The following TNN variants were observed in gnomAD, a reference collection of about 807,000 sequenced individuals.
TNN encodes the protein tenascin-N.
A neutral mutation model predicts 134.4 loss-of-function variants in TNN; 122 were observed. That is an observed-to-expected ratio of 0.91 (90% CI 0.78 to 1.06). The LOEUF (loss-of-function observed/expected upper bound fraction) is 1.06, where lower values mean the gene tolerates loss of function less well. TNN is among the 50% of genes least tolerant of loss of function. The pLI, the probability that TNN is intolerant of heterozygous loss-of-function variation, is 0.00. For missense variants in TNN, 1,739 were observed against 1,699.4 expected (o/e 1.02, Z -0.41); for synonymous variants, 710 against 670.3 (o/e 1.06, Z -0.91).
intron 9 of TNN, among the ~76,000 whole-genome samples, chr1:175,105,826 G>T (rs1477320745): frequency 6.9e-6 from 1 of 145,168 alleles, no homozygotes; most frequent in Non-Finnish European, 1.5e-5. Flanking sequence ...CCACAGTTTT[G>T]GTTTGTTTTG....
intron 5 of TNN, among the ~76,000 whole-genome samples, chr1:175,084,828 C>T (rs1255229215): frequency 6.6e-6 from 1 of 152,054 alleles, no homozygotes. Flanking sequence ...AGAGAAATAA[C>T]TTTTTTTTAA....
intron 11 of TNN, among the ~76,000 whole-genome samples, chr1:175,119,339 T>A (rs575405757): frequency 4.6e-5 from 7 of 152,164 alleles, no homozygotes; most frequent in South Asian, 4.2e-4. Context: ...CTGGTGGGAG[T>A]GTAGTAGTGA....
intron 17 of TNN, among the ~76,000 whole-genome samples, chr1:175,143,472 A>C (rs1175539114): frequency 1.3e-5 from 2 of 152,028 alleles, no homozygotes; most frequent in African/African-American, 4.8e-5. Context: ...TGAATTTTAC[A>C]TGTGTCTCCA....
At chr1:175,089,364 C>G (rs890154275) in intron 6 of TNN, among the ~76,000 whole-genome samples, 9 of 152,144 alleles carry the variant, frequency 5.9e-5, no homozygotes, top group African/African-American at 2.2e-4. Flanking sequence ...AATTCCTCAC[C>G]CTGTTACCCA....
intron 2 of TNN, 93 bp from the exon 3 acceptor site, chr1:175,079,240 T>A: frequency 5.9e-6 from 8 of 1,359,158 alleles, no homozygotes; most frequent in Non-Finnish European, 7.7e-6. Context: ...GTGGGGCTAA[T>A]GATTTCTGGG....
intron 6 of TNN, among the ~76,000 whole-genome samples, chr1:175,090,765 A>G (rs1447220794): frequency 1.3e-5 from 2 of 152,212 alleles, no homozygotes; most frequent in Non-Finnish European, 2.9e-5. Context: ...ATCTCTTTGA[A>G]GTGAAGTGCA....
chr1:175,145,279 A>G (rs1676035188), intron 18 of TNN, among the ~76,000 whole-genome samples: 1 of 152,096 alleles, frequency 6.6e-6, no homozygotes, highest in South Asian at 2.1e-4. Flanking sequence ...TAGGCTGAGC[A>G]TGGTGGTTCA....
Position 175,077,243 on chromosome 1 carries a change from G to T in TNN, c.-35-141G>T, listed in dbSNP as rs1674061488. The T allele has an allele frequency of 1.3e-5, 9 of 688,176 alleles. No individual in the cohort carries two copies. The Admixed American group carries it at 1.5e-4, about 11-fold the overall frequency. 42.6% of individuals were successfully genotyped at this position (688,176 alleles called of 1,614,324 possible). On this transcript the variant is annotated intron_variant, in intron 1 of 18. Transcript: ENST00000239462. ...GTGAGGCAGGAACAGAAAGTAATTT[G>T]GTTCGGATCCTTGGGAGAAATAGAA...
chr1:175,138,625 C>A (rs1300749194), intron 17 of TNN, among the ~76,000 whole-genome samples: 1 of 152,180 alleles, frequency 6.6e-6, no homozygotes, highest in African/African-American at 2.4e-5. Flanking sequence ...AAAAGCATTG[C>A]AGCTAGAAGA....
intron 7 of TNN, among the ~76,000 whole-genome samples, chr1:175,094,957 G>A (rs1248051666): frequency 1.3e-5 from 2 of 152,334 alleles, no homozygotes; most frequent in African/African-American, 4.8e-5. Flanking sequence ...ACTGAGTATA[G>A]AGACTCTCAG....
chr1:175,077,182 C>G (rs762193846), intron 1 of TNN, among the ~76,000 whole-genome samples: 1 of 152,126 alleles, frequency 6.6e-6, no homozygotes, highest in Non-Finnish European at 1.5e-5. Context: ...GCAGTGTGAA[C>G]AGTAAGCAAA....
chr1:175,077,871 C>G, intron 2 of TNN, 44 bp downstream of exon 2: 2 of 1,566,684 alleles, frequency 1.3e-6, no homozygotes, highest in Non-Finnish European at 1.7e-6. Flanking sequence ...ATTTGATGAG[C>G]ACCTATTATG....
rs1446672428 is a variant in TNN at position 175,079,315 on chromosome 1, T to G, written c.410-18T>G. 6.4e-7 allele frequency: 1 copy of G among 1,572,868 alleles called. No homozygotes were observed. The highest frequency in any genetic ancestry group is 8.6e-7 in the Non-Finnish European group (1 of 1,168,418). ...ACAACCCTTCAACCCAACCTACTGTTTCTCCTCTCCCTCCCAGATCTAAGC... is the reference window on the plus strand; with the variant it reads ...ACAACCCTTCAACCCAACCTACTGTGTCTCCTCTCCCTCCCAGATCTAAGC... On this transcript the variant is annotated intron_variant, in intron 2 of 18. Coordinates refer to ENST00000239462, the MANE Select transcript of TNN (RefSeq NM_022093.2).
rs1244281246 is a variant in TNN at position 175,079,727 on chromosome 1, C to T, written c.784+20C>T. 1.0e-5 allele frequency: 16 copies of T among 1,555,436 alleles called. No individual in the cohort carries two copies. Among genetic ancestry groups the T allele is most frequent in the Non-Finnish European group, 1.3e-5 (15 of 1,149,496 alleles). ...CCCAGGGTGAGAGCGGAGATGTGCC[C>T]TCGGGCCGCCGGACTCTTCTTTCCA... is the stretch of plus-strand genomic sequence containing the variant. On this transcript the variant is annotated intron_variant, in intron 3 of 18. Coordinates refer to ENST00000239462, the MANE Select transcript of TNN (RefSeq NM_022093.2).
intron 11 of TNN, 53 bp from the exon 12 acceptor site, chr1:175,123,347 G>A (rs1675423982): frequency 6.3e-7 from 1 of 1,588,158 alleles, no homozygotes; most frequent in South Asian, 1.1e-5. Flanking sequence ...GTGGTAAGAT[G>A]CGATGTCTTC....
chr1:175,115,137 T>C (rs1375240111), intron 9 of TNN, among the ~76,000 whole-genome samples: 1 of 152,182 alleles, frequency 6.6e-6, no homozygotes, highest in East Asian at 1.9e-4. Flanking sequence ...TGTATTTCCC[T>C]GGGACCTAGG....
chr1:175,120,076 T>C (rs969835759), intron 11 of TNN, among the ~76,000 whole-genome samples: 5 of 152,246 alleles, frequency 3.3e-5, no homozygotes, highest in South Asian at 2.1e-4. Context: ...CTATTTTGTA[T>C]AGGTTTGACC....
chr1:175,136,695 C>A, intron 16 of TNN, 126 bp from the exon 17 acceptor site: 1 of 824,000 alleles, frequency 1.2e-6, no homozygotes, highest in Non-Finnish European at 1.9e-6. Context: ...CTGAGACTGC[C>A]CCTTATTAGC....
intron 9 of TNN, among the ~76,000 whole-genome samples, chr1:175,099,884 T>C (rs530263985): frequency 1.4e-4 from 21 of 152,142 alleles, no homozygotes; most frequent in Admixed American, 3.3e-4. Flanking sequence ...CTTACTCCCC[T>C]TCCTCTGCCA....
Sources: allele counts gnomAD v4.1 joint callset (sites outside exome capture counted in the v4.1 genomes callset), GRCh38; gene constraint gnomAD v4.1.1; transcripts MANE v1.5; gene names NCBI Gene and HGNC (gene_info 2026-07-23, HGNC 2026-07-21).